The following ZC3H12B variants were observed in gnomAD, a reference collection of about 807,000 sequenced individuals.
The protein encoded by ZC3H12B is probable ribonuclease ZC3H12B.
In ZC3H12B, 7 loss-of-function variants were observed where a neutral mutation model predicts 43.9. That is an observed-to-expected ratio of 0.16 (90% CI 0.09 to 0.30). The LOEUF (loss-of-function observed/expected upper bound fraction) is 0.30, where lower values mean the gene tolerates loss of function less well. Among genes scored for constraint, ZC3H12B ranks in the 10% least tolerant of loss-of-function variants. ZC3H12B has a pLI of 1.00. For synonymous variants in ZC3H12B, 222 were observed against 241.7 expected, an observed-to-expected ratio of 0.92 and a Z score of 0.76; for missense variants, 475 against 670.2, an observed-to-expected ratio of 0.71 and a Z score of 3.22.
chrX:65,044,186 A>C, the ZC3H12B span, among the ~76,000 whole-genome samples: 5 of 112,102 alleles, frequency 4.5e-5, no homozygotes, highest in African/African-American at 1.6e-4. Flanking sequence ...AGGGTATCTG[A>C]TGGGGTGACA....
the ZC3H12B span, among the ~76,000 whole-genome samples, chrX:65,283,935 C>T: frequency 9.0e-6 from 1 of 111,201 alleles, no homozygotes; most frequent in Non-Finnish European, 1.9e-5. Flanking sequence ...ATATTTGATA[C>T]AAGGATGTGA....
At chrX:65,322,953 GTAT>G in the ZC3H12B span, among the ~76,000 whole-genome samples, 6 of 111,244 alleles carry the variant, frequency 5.4e-5, no homozygotes, top group East Asian at 1.7e-3. Flanking sequence ...TTATTTCTAA[GTAT>G]TATATTTTTT....
At position 65,491,170 on chromosome X, in the gene ZC3H12B, A is replaced by C. The variant is rs767194468; in HGVS notation, c.608+1761A>C. ...GACTTCAAATGAATGAAATGAAACA[A>C]ACTAACATTTATGAATACTGATTCT... is the stretch of plus-strand genomic sequence containing the variant. On this transcript the variant is annotated intron_variant, in intron 1 of 4. Transcript: ENST00000338957. Among the ~76,000 whole-genome samples the C allele has an allele frequency of 2.7e-5, 3 of 112,003 alleles. No individual in the cohort carries two copies. The East Asian group carries it at 8.4e-4, about 31-fold the overall frequency.
At chrX:65,135,181 A>C in the ZC3H12B span, among the ~76,000 whole-genome samples, 3 of 111,357 alleles carry the variant, frequency 2.7e-5, no homozygotes, top group Non-Finnish European at 5.6e-5. Context: ...TATAAAGCCT[A>C]CCAACTTTTA....
At chrX:65,257,809 A>G in the ZC3H12B span, among the ~76,000 whole-genome samples, 2 of 110,943 alleles carry the variant, frequency 1.8e-5, no homozygotes, top group South Asian at 3.9e-4. Context: ...CTGGAAACAT[A>G]CAACCACCGA....
chrX:65,120,562 G>A, the ZC3H12B span, among the ~76,000 whole-genome samples: 264 of 111,523 alleles, frequency 2.4e-3, no homozygotes, highest in Middle Eastern at 4.6e-3. Flanking sequence ...AGACGATGGG[G>A]TTTTCTAGAT....
chrX:65,229,540 C>T, the ZC3H12B span, among the ~76,000 whole-genome samples: 25 of 111,090 alleles, frequency 2.3e-4, 1 homozygote, highest in Admixed American at 2.0e-3. Flanking sequence ...AAGTGGGATC[C>T]AATTAAACTA....
chrX:65,147,264 T>A, the ZC3H12B span, among the ~76,000 whole-genome samples: 60 of 112,093 alleles, frequency 5.4e-4, no homozygotes, highest in African/African-American at 1.9e-3. Context: ...TGGTACAGTC[T>A]GCTGGAAGGC....
the ZC3H12B span, among the ~76,000 whole-genome samples, chrX:65,172,799 C>A: frequency 8.9e-6 from 1 of 111,843 alleles, no homozygotes; most frequent in Non-Finnish European, 1.9e-5. Flanking sequence ...TGTTTTGGTA[C>A]GAGTAGCATG....
chrX:65,318,995 C>A, the ZC3H12B span, among the ~76,000 whole-genome samples: 1 of 111,021 alleles, frequency 9.0e-6, no homozygotes, highest in Non-Finnish European at 1.9e-5. Flanking sequence ...AATGAACAAC[C>A]TAACATTACA....
At chrX:65,298,128 C>CA in the ZC3H12B span, among the ~76,000 whole-genome samples, 1 of 111,680 alleles carries the variant, frequency 9.0e-6, no homozygotes, top group South Asian at 3.7e-4. Flanking sequence ...GCAAATGCAA[C>CA]AAAAACAAAG....
the ZC3H12B span, among the ~76,000 whole-genome samples, chrX:65,203,527 A>G: frequency 2.7e-5 from 3 of 109,792 alleles, no homozygotes; most frequent in Non-Finnish European, 5.7e-5. Context: ...AGTGTCATCT[A>G]GGATTTGGGG....
In ZC3H12B at chrX:65,468,430, T is replaced by C. The variant is rs150527295; in HGVS notation, n.408-20216T>C. Reference sequence around the variant, plus strand: ...TCTTTTTGCTTAGGATTGCCTTGACTATTCGGGTTTGTTTTTGATTCCACA... The same window carrying C: ...TCTTTTTGCTTAGGATTGCCTTGACCATTCGGGTTTGTTTTTGATTCCACA... On this transcript the variant is annotated intron_variant and non_coding_transcript_variant, in intron 3 of 5. Transcript: ENST00000617377. Among the ~76,000 whole-genome samples the C allele has an allele frequency of 9.0e-3, 996 of 110,790 alleles. 9 individuals are homozygous for C. The highest frequency in any genetic ancestry group is 0.013 in the Admixed American group (132 of 10,305).
chrX:65,108,720 GTTGT>G, the ZC3H12B span, among the ~76,000 whole-genome samples: 4 of 110,962 alleles, frequency 3.6e-5, no homozygotes, highest in African/African-American at 1.3e-4. Context: ...CAGTAACATA[GTTGT>G]TTATTATCAT....
At chrX:65,085,991 TAAC>T in the ZC3H12B span, among the ~76,000 whole-genome samples, 2 of 109,375 alleles carry the variant, frequency 1.8e-5, no homozygotes, top group Middle Eastern at 4.9e-3. Context: ...AGATATTAGA[TAAC>T]AATCTAATCC....
At chrX:65,402,280 T>C (rs2066772525) in intron 3 of ZC3H12B, among the ~76,000 whole-genome samples, 1 of 111,761 alleles carries the variant, frequency 8.9e-6, no homozygotes, top group Non-Finnish European at 1.9e-5. Flanking sequence ...ATGGTTTCAG[T>C]GCCAGCTCAG....
chrX:65,361,652 G>A (rs1010692624), upstream of ZC3H12B, among the ~76,000 whole-genome samples: 149 of 109,805 alleles, frequency 1.4e-3, no homozygotes, highest in African/African-American at 4.8e-3. Context: ...GTCCCATTTG[G>A]CAACAACCCT....
chrX:65,488,113 C>T (rs907995103), upstream of ZC3H12B, among the ~76,000 whole-genome samples: 19 of 110,558 alleles, frequency 1.7e-4, no homozygotes, highest in African/African-American at 4.9e-4. Flanking sequence ...CCTTGTGATC[C>T]GCCCGCCTCG....
At chrX:65,161,901 G>A in the ZC3H12B span, among the ~76,000 whole-genome samples, 343 of 111,818 alleles carry the variant, frequency 3.1e-3, 2 homozygotes, top group African/African-American at 6.9e-3. Flanking sequence ...GCAGTGGCTG[G>A]TACTGGTTGT....
Sources: gnomAD v4.1 joint callset for allele counts (sites outside exome capture counted in the v4.1 genomes callset) on GRCh38, gnomAD v4.1.1 for gene constraint, MANE v1.5 for transcripts, NCBI Gene and HGNC (gene_info 2026-07-23, HGNC 2026-07-21) for gene names.